CHRM3: variants seen among roughly 807,000 people sequenced by gnomAD.
CHRM3 encodes the protein cholinergic receptor muscarinic 3.
A neutral mutation model predicts 41.8 loss-of-function variants in CHRM3; 11 were observed. The observed-to-expected ratio is 0.26, with a 90% confidence interval of 0.17 to 0.44. CHRM3 has a LOEUF of 0.44. Ranked by LOEUF, CHRM3 falls within the 20% of genes least tolerant of loss-of-function variation. CHRM3 has a pLI of 1.00. For synonymous variants in CHRM3, 297 were observed against 301.4 expected, an observed-to-expected ratio of 0.99 and a Z score of 0.15; for missense variants, 571 against 745.4, an observed-to-expected ratio of 0.77 and a Z score of 2.72.
At chr1:239,474,107 G>T (rs1666313227) in intron 1 of CHRM3, among the ~76,000 whole-genome samples, 1 of 151,638 alleles carries the variant, frequency 6.6e-6, no homozygotes, top group Non-Finnish European at 1.5e-5. Context: ...GAGTATAAAA[G>T]AAAAAATAAA....
chr1:239,904,690 A>C (rs1679836419), intron 6 of CHRM3, among the ~76,000 whole-genome samples: 1 of 152,218 alleles, frequency 6.6e-6, no homozygotes, highest in Non-Finnish European at 1.5e-5. Flanking sequence ...AATATTTAAA[A>C]AAAGTAAAAG....
chr1:239,663,236 G>T (rs1344323172), intron 4 of CHRM3, among the ~76,000 whole-genome samples: 4 of 151,928 alleles, frequency 2.6e-5, no homozygotes, highest in Non-Finnish European at 4.4e-5. Flanking sequence ...TCCTTTTCCA[G>T]CAGATCACTA....
chr1:239,417,249 A>G (rs1661564840), intron 1 of CHRM3, among the ~76,000 whole-genome samples: 1 of 152,240 alleles, frequency 6.6e-6, no homozygotes, highest in South Asian at 2.1e-4. Context: ...GAAAAATTTT[A>G]TGAAATGAAA....
chr1:239,893,752 A>G (rs1678747321), intron 6 of CHRM3, among the ~76,000 whole-genome samples: 1 of 145,690 alleles, frequency 6.9e-6, no homozygotes, highest in African/African-American at 2.5e-5. Context: ...AAAAAAAAAA[A>G]GAATTTAGAA....
At chr1:239,455,277 C>T (rs868788995) in intron 1 of CHRM3, among the ~76,000 whole-genome samples, 65 of 151,902 alleles carry the variant, frequency 4.3e-4, no homozygotes, top group African/African-American at 1.4e-3. Flanking sequence ...TCTTGAACTC[C>T]CAACCTCAGG....
intron 1 of CHRM3, among the ~76,000 whole-genome samples, chr1:239,391,436 T>G (rs1453430911): frequency 2.6e-5 from 4 of 152,180 alleles, no homozygotes; most frequent in Non-Finnish European, 4.4e-5. Context: ...GGCTCAGTTT[T>G]TGGCCTCTGT....
rs181208543 is a variant in CHRM3, at chr1:239,420,089, G to A, written c.-521+32862G>A. On this transcript the variant is annotated intron_variant, in intron 1 of 6. Transcript: ENST00000676153. ...CTAGCTCAGGCCTGTTTAGAAGCTG[G>A]GCCTGTAGTTTGAGGAGTAGAGTAA... Among the ~76,000 whole-genome samples, 53 of 152,216 alleles carry A rather than the reference G, an allele frequency of 3.5e-4. No homozygotes were observed. In the Middle Eastern group the frequency reaches 0.014, roughly 39 times the overall value.
intron 5 of CHRM3, among the ~76,000 whole-genome samples, chr1:239,820,442 C>G (rs1671945941): frequency 6.6e-6 from 1 of 152,158 alleles, no homozygotes; most frequent in Admixed American, 6.6e-5. Context: ...TTCGTCTTCC[C>G]TCCTGCGATA....
At chr1:239,410,982 C>A (rs1388565576) in intron 1 of CHRM3, among the ~76,000 whole-genome samples, 1 of 152,154 alleles carries the variant, frequency 6.6e-6, no homozygotes, top group East Asian at 1.9e-4. Flanking sequence ...CTCTTTTCAC[C>A]ACTGAAGTAT....
intron 2 of CHRM3, among the ~76,000 whole-genome samples, chr1:239,504,759 G>T (rs1407007964): frequency 6.6e-6 from 1 of 152,174 alleles, no homozygotes; most frequent in Non-Finnish European, 1.5e-5. Context: ...AATAGCATTT[G>T]TGGTGACCTG....
At chr1:239,854,468 G>A (rs1366334617) in intron 6 of CHRM3, among the ~76,000 whole-genome samples, 2 of 152,062 alleles carry the variant, frequency 1.3e-5, no homozygotes, top group African/African-American at 4.8e-5. Flanking sequence ...AGAAAACACA[G>A]CATCCTAAGT....
At chr1:239,669,823 A>G (rs1558437851) in intron 4 of CHRM3, among the ~76,000 whole-genome samples, 3 of 152,212 alleles carry the variant, frequency 2.0e-5, no homozygotes, top group Admixed American at 2.0e-4. Flanking sequence ...CAGAGAGAAT[A>G]CTATAATCAA....
chr1:239,778,754 T>C (rs978339789), intron 5 of CHRM3, among the ~76,000 whole-genome samples: 1 of 152,194 alleles, frequency 6.6e-6, no homozygotes, highest in Admixed American at 6.5e-5. Flanking sequence ...ACTTGGACAT[T>C]ACCCACACAC....
Position 239,452,747 on chromosome 1 carries a change from A to G in CHRM3, c.-520-39962A>G, listed in dbSNP as rs954051788. Among the ~76,000 whole-genome samples the G allele has an allele frequency of 2.0e-5, 3 of 152,224 alleles. 1 individual carries two copies. Among genetic ancestry groups the G allele is most frequent in the Admixed American group, 1.3e-4 (2 of 15,282 alleles). On this transcript the variant is annotated intron_variant, in intron 1 of 6. Transcript: ENST00000676153. ...TCAGAAAGCAGTGAAAGTTAAAAAG[A>G]TAAAACATACTCTTTCTGTATTTAG...
chr1:239,477,960 G>A (rs1364346269), intron 1 of CHRM3, among the ~76,000 whole-genome samples: 2 of 152,194 alleles, frequency 1.3e-5, no homozygotes, highest in Non-Finnish European at 2.9e-5. Flanking sequence ...GCTGATTGAA[G>A]CTGGGGTAGT....
chr1:239,507,751 G>A (rs185702326), intron 2 of CHRM3, among the ~76,000 whole-genome samples: 61 of 152,282 alleles, frequency 4.0e-4, no homozygotes, highest in Middle Eastern at 3.4e-3. Context: ...AAGCAGAGCT[G>A]TGCTTGCTGG....
intron 5 of CHRM3, among the ~76,000 whole-genome samples, chr1:239,753,607 C>T (rs1230159644): frequency 6.6e-6 from 1 of 152,168 alleles, no homozygotes; most frequent in African/African-American, 2.4e-5. Flanking sequence ...CACCAGGTCC[C>T]TTCCCCAACA....
intron 1 of CHRM3, among the ~76,000 whole-genome samples, chr1:239,393,105 T>C (rs537206617): frequency 1.3e-5 from 2 of 152,202 alleles, no homozygotes; most frequent in South Asian, 4.1e-4. Flanking sequence ...GGTTATAATG[T>C]ACTATGATTG....
At chr1:239,519,983 G>A (rs531585311) in intron 2 of CHRM3, among the ~76,000 whole-genome samples, 160 of 151,970 alleles carry the variant, frequency 1.1e-3, no homozygotes, top group Non-Finnish European at 1.7e-3. Flanking sequence ...TCCTGACCTC[G>A]TGATCTGCTC....
Sources: allele counts gnomAD v4.1 joint callset (sites outside exome capture counted in the v4.1 genomes callset), GRCh38; gene constraint gnomAD v4.1.1; transcripts MANE v1.5; gene names NCBI Gene and HGNC (gene_info 2026-07-23, HGNC 2026-07-21).